SFI1: variants seen among roughly 807,000 people sequenced by gnomAD.
SFI1 encodes protein SFI1 homolog.
SFI1 carries 195 observed loss-of-function variants against 207.5 expected under a neutral mutation model. The ratio of observed to expected loss-of-function variants is 0.94; its 90% CI spans 0.84 to 1.06. The LOEUF (loss-of-function observed/expected upper bound fraction) is 1.06. Ranked by LOEUF, SFI1 falls within the 50% of genes least tolerant of loss-of-function variation. The probability of loss-of-function intolerance (pLI) is 0.00; values close to 1 mark genes in which losing one functional copy is unlikely to be tolerated. For missense variants in SFI1, 1,634 were observed against 1,588.0 expected (o/e 1.03, Z -0.49); for synonymous variants, 630 against 598.9 (o/e 1.05, Z -0.76).
At position 31,536,908 on chromosome 22, in the gene SFI1, TAA is replaced by T. The variant is rs778638706; in HGVS notation, c.338+5782_338+5783del. On this transcript the variant is annotated intron_variant, in intron 4 of 32. Coordinates refer to ENST00000400288, the MANE Select transcript of SFI1 (RefSeq NM_001007467.3). Reference sequence around the variant, plus strand: ...TTTTTCTGTTTTTTGTTTTTTTTTTTAAAATTAACTTTTTTTTTACCTTTAGA... The same window carrying T: ...TTTTTCTGTTTTTTGTTTTTTTTTTTAATTAACTTTTTTTTTACCTTTAGA... Among the ~76,000 whole-genome samples the T allele has an allele frequency of 6.6e-5, 10 of 150,924 alleles. No homozygotes were observed. The South Asian group carries it at 1.0e-3, about 16-fold the overall frequency.
At chr22:31,512,803 C>A (rs951117363) in intron 2 of SFI1, among the ~76,000 whole-genome samples, 7 of 152,140 alleles carry the variant, frequency 4.6e-5, no homozygotes, top group African/African-American at 1.7e-4. Context: ...TCTCCTGCCT[C>A]AGCCTCCCAA....
At chr22:31,574,349 A>G (rs2063258552) in intron 9 of SFI1, among the ~76,000 whole-genome samples, 1 of 152,212 alleles carries the variant, frequency 6.6e-6, no homozygotes, top group African/African-American at 2.4e-5. Flanking sequence ...CTATAGACTA[A>G]TGCCTGCCTC....
In SFI1 at chr22:31,537,995, G is replaced by A. The variant is rs1381025833; in HGVS notation, c.338+6866G>A. Among the ~76,000 whole-genome samples the A allele has an allele frequency of 4.6e-5, 7 of 152,166 alleles. No individual in the cohort carries two copies. The East Asian group carries it at 9.6e-4, about 21-fold the overall frequency. ...TGTTTGTTTGTTTGTTTTTGAGACC[G>A]AGTTTCACTCTTGTTGCCCAGGCTG... On this transcript the variant is annotated intron_variant, in intron 4 of 32. Transcript: ENST00000400288.
intron 29 of SFI1, chr22:31,616,350 T>A: frequency 5.8e-6 from 1 of 173,878 alleles, no homozygotes; most frequent in Non-Finnish European, 1.2e-5. Context: ...GAGGAGGGCA[T>A]GGAAAAGGCT....
At chr22:31,513,394 A>G (rs2055918178) in intron 2 of SFI1, among the ~76,000 whole-genome samples, 1 of 151,870 alleles carries the variant, frequency 6.6e-6, no homozygotes, top group African/African-American at 2.4e-5. Context: ...CCTGGCCTCA[A>G]GCAATCTGCC....
chr22:31,515,638 C>G (rs1353257289), intron 2 of SFI1, among the ~76,000 whole-genome samples: 1 of 151,816 alleles, frequency 6.6e-6, no homozygotes, highest in South Asian at 2.1e-4. Context: ...TCCTGCCTCA[C>G]CCTCCCAAAG....
At chr22:31,574,256 C>G (rs2063247132) in intron 9 of SFI1, among the ~76,000 whole-genome samples, 2 of 152,214 alleles carry the variant, frequency 1.3e-5, no homozygotes, top group Non-Finnish European at 2.9e-5. Context: ...TGAATATGTT[C>G]ATTGGAGGAT....
At chr22:31,535,694 CT>C (rs2058931321) in intron 4 of SFI1, among the ~76,000 whole-genome samples, 1 of 151,708 alleles carries the variant, frequency 6.6e-6, no homozygotes, top group Admixed American at 6.6e-5. Context: ...AATTTTATTG[CT>C]TATTTTTATG....
intron 15 of SFI1, among the ~76,000 whole-genome samples, chr22:31,590,953 T>G (rs570296523): frequency 8.6e-3 from 101 of 11,768 alleles, no homozygotes; most frequent in African/African-American, 0.018. Flanking sequence ...TTTTTTCTTT[T>G]TATTTATTTA....
chr22:31,589,448 T>A lies in SFI1; in HGVS notation c.1415T>A (p.Leu472Gln), dbSNP rs2065524966. The A allele has an allele frequency of 1.9e-6, 3 of 1,592,862 alleles. No homozygotes were observed. The East Asian group carries it at 6.7e-5, about 36-fold the overall frequency. ...AGGTTATTCATTCTTTTACTTTAGC[T>A]GCTACAGGCCAGAGCGGATGGTCAT... ...QYTQKRRYKQ[L>Q]LQARADGHFQ... Residue 472 changes from leucine (L) to glutamine (Q), a missense_variant and splice_region_variant, in exon 15 of 33, where the codon CTG becomes CAG. Physicochemically the swap from Leu to Gln is moderately radical, Grantham distance 113 (BLOSUM62 -2). Coordinates refer to ENST00000400288, the MANE Select transcript of SFI1 (RefSeq NM_001007467.3).
chr22:31,556,939 T>C lies in SFI1; in HGVS notation c.545-3T>C, dbSNP rs1377583388. The C allele has an allele frequency of 8.2e-6, 13 of 1,594,818 alleles. No homozygotes were observed. The highest frequency in any genetic ancestry group is 1.1e-5 in the Non-Finnish European group (13 of 1,168,872). ...TTTTGAAAAATCTCTTTGGTGAATC[T>C]AGATGCAAAGCAAAAGATGCGACAG... is the stretch of plus-strand genomic sequence containing the variant. On this transcript the variant is annotated splice_polypyrimidine_tract_variant and splice_region_variant and intron_variant, in intron 6 of 32. Coordinates refer to ENST00000400288, the MANE Select transcript of SFI1 (RefSeq NM_001007467.3).
chr22:31,541,430 C>G (rs1277957343), intron 4 of SFI1, among the ~76,000 whole-genome samples: 1 of 152,066 alleles, frequency 6.6e-6, no homozygotes, highest in Admixed American at 6.6e-5. Flanking sequence ...GTTCATTTCA[C>G]CATGTGCAAA....
At chr22:31,505,490 G>A (rs1297367440) in intron 1 of SFI1, among the ~76,000 whole-genome samples, 2 of 151,888 alleles carry the variant, frequency 1.3e-5, no homozygotes, top group Non-Finnish European at 2.9e-5. Flanking sequence ...GTGCAGTGGT[G>A]CCTGTCTGTA....
intron 2 of SFI1, among the ~76,000 whole-genome samples, chr22:31,525,921 G>T (rs935872874): frequency 2.1e-4 from 32 of 152,058 alleles, no homozygotes; most frequent in Non-Finnish European, 4.0e-4. Flanking sequence ...TTTTGCTGAG[G>T]ATCACTTTGG....
intron 6 of SFI1, among the ~76,000 whole-genome samples, chr22:31,556,149 A>G (rs1380138371): frequency 6.7e-6 from 1 of 149,692 alleles, no homozygotes; most frequent in African/African-American, 2.4e-5. Context: ...CAAGTTTTAT[A>G]TCATGATTTC....
In SFI1 at chr22:31,579,786, C is replaced by T. The variant is rs553255451; in HGVS notation, c.1156-486C>T. 3.3e-5 allele frequency among the ~76,000 whole-genome samples: 5 copies of T among 152,296 alleles called. No individual in the cohort carries two copies. In the East Asian group the frequency reaches 9.7e-4, roughly 29 times the overall value. ...TTATTGATGGAGCTGGATCCAGGTCCATCCTGGCCCAACTCCAACCCTTCC... is the reference window on the plus strand; with the variant it reads ...TTATTGATGGAGCTGGATCCAGGTCTATCCTGGCCCAACTCCAACCCTTCC... On this transcript the variant is annotated intron_variant, in intron 11 of 32. Coordinates refer to ENST00000400288, the MANE Select transcript of SFI1 (RefSeq NM_001007467.3).
At chr22:31,513,139 A>T (rs2055879486) in intron 2 of SFI1, among the ~76,000 whole-genome samples, 1 of 151,910 alleles carries the variant, frequency 6.6e-6, no homozygotes, top group Non-Finnish European at 1.5e-5. Flanking sequence ...TGTTTAACTT[A>T]TCTGTCACCT....
intron 4 of SFI1, among the ~76,000 whole-genome samples, chr22:31,533,958 A>T (rs1198557527): frequency 1.3e-5 from 2 of 152,148 alleles, no homozygotes; most frequent in African/African-American, 4.8e-5. Flanking sequence ...GTGTATTTTC[A>T]TTCAAATACA....
chr22:31,596,796 A>AAG (rs1316680487), intron 15 of SFI1, among the ~76,000 whole-genome samples: 1 of 151,528 alleles, frequency 6.6e-6, no homozygotes, highest in Admixed American at 6.6e-5. Flanking sequence ...AAAAAAAAAA[A>AAG]AAAAATGGCT....
Sources: allele counts gnomAD v4.1 joint callset (sites outside exome capture counted in the v4.1 genomes callset), GRCh38; gene constraint gnomAD v4.1.1; transcripts MANE v1.5; gene names NCBI Gene and HGNC (gene_info 2026-07-23, HGNC 2026-07-21).